The following TEX36 variants were observed in gnomAD, a reference collection of about 807,000 sequenced individuals.
The protein encoded by TEX36 is testis-expressed protein 36.
Under a neutral mutation model 13.6 loss-of-function variants are expected in TEX36, and 12 were observed. The observed-to-expected ratio is 0.88, with a 90% CI of 0.56 to 1.43. TEX36 has a LOEUF of 1.43. Among genes scored for constraint, TEX36 ranks in the 40% most tolerant of loss-of-function variants. TEX36 has a pLI of 0.00. For missense variants in TEX36, 224 were observed against 228.3 expected (o/e 0.98, Z 0.12); for synonymous variants, 93 against 83.0 (o/e 1.12, Z -0.65).
chr10:125,650,644 A>G (rs970557050), intron 3 of TEX36, among the ~76,000 whole-genome samples: 4 of 152,226 alleles, frequency 2.6e-5, no homozygotes, highest in Non-Finnish European at 2.9e-5. Flanking sequence ...AGAAATAACT[A>G]AGATCAGAGC....
At chr10:125,678,331 T>TGGTTAACA (rs1296755418) in intron 1 of TEX36, among the ~76,000 whole-genome samples, 8 of 152,130 alleles carry the variant, frequency 5.3e-5, no homozygotes, top group African/African-American at 9.7e-5. Flanking sequence ...TGTTAGGGTG[T>TGGTTAACA]GGTTAACAGT....
rs142881096 is a variant in TEX36 at position 125,633,987 on chromosome 10, G to A, written c.265-12342C>T. Among the ~76,000 whole-genome samples the A allele has an allele frequency of 9.9e-5, 15 of 152,054 alleles. No individual in the cohort carries two copies. The East Asian group carries it at 2.7e-3, about 27-fold the overall frequency. Reference sequence around the variant, plus strand: ...CTCTAGGGTTCAAGTCTACCCCTCAGCATTGGATACCTTTACTTTCTTGGA... The same window carrying A: ...CTCTAGGGTTCAAGTCTACCCCTCAACATTGGATACCTTTACTTTCTTGGA... On this transcript the variant is annotated intron_variant, in intron 3 of 3. Coordinates refer to the TEX36 transcript ENST00000526819.
At chr10:125,578,455 CA>C (rs1845851543) in intron 3 of TEX36, 1 of 152,210 alleles carries the variant, frequency 6.6e-6, no homozygotes, top group African/African-American at 2.4e-5. Context: ...ACTGAATTTT[CA>C]GTCATTCTTT....
rs532561479 is a variant in TEX36, at chr10:125,644,298, C to T, written c.264+16723G>A. On this transcript the variant is annotated intron_variant, in intron 3 of 3. Coordinates refer to the TEX36 transcript ENST00000526819. ...AGTAGACAAAAAATATAAAGGAATG[C>T]TTGAGAGCTGAGGAAGATAGAGCCA... is the stretch of plus-strand genomic sequence containing the variant. Among the ~76,000 whole-genome samples, 12 of 152,096 alleles carry T rather than the reference C, an allele frequency of 7.9e-5. No individual in the cohort carries two copies. The South Asian group carries it at 1.7e-3, about 21-fold the overall frequency.
rs35721943 is a variant in TEX36, at chr10:125,612,809, G to GAAA, written c.265-35938_265-35936dup. Among the ~76,000 whole-genome samples the GAAA allele has an allele frequency of 2.3e-4, 34 of 146,226 alleles. No homozygotes were observed. The South Asian group carries it at 6.1e-3, about 26-fold the overall frequency. ...GAACATGTGGGGATTTTACAAACAG[G>GAAA]AAAAAAAAAAACTATATAAAACCAA... On this transcript the variant is annotated intron_variant, in intron 3 of 3. Transcript: ENST00000532135.
At chr10:125,619,161 A>AATAAAG (rs1251074506), downstream of TEX36, among the ~76,000 whole-genome samples, 1 of 151,798 alleles carries the variant, frequency 6.6e-6, no homozygotes, top group East Asian at 1.9e-4. Flanking sequence ...TAAAAATAAA[A>AATAAAG]ATAAAGCCTT....
intron 3 of TEX36, among the ~76,000 whole-genome samples, chr10:125,657,591 A>C (rs1846969189): frequency 6.6e-6 from 1 of 152,248 alleles, no homozygotes; most frequent in African/African-American, 2.4e-5. Context: ...GCTTGCTAAT[A>C]ATGTGACTAT....
At chr10:125,588,272 G>C (rs1845981883) in intron 3 of TEX36, among the ~76,000 whole-genome samples, 1 of 152,210 alleles carries the variant, frequency 6.6e-6, no homozygotes, top group Non-Finnish European at 1.5e-5. Flanking sequence ...GTGTGGTATT[G>C]ACTTTCTCTA....
At chr10:125,666,551 C>T (rs981157215) in intron 1 of TEX36, among the ~76,000 whole-genome samples, 1 of 152,172 alleles carries the variant, frequency 6.6e-6, no homozygotes, top group African/African-American at 2.4e-5. Flanking sequence ...ATAAATCCCA[C>T]TTGATCACGG....
intron 3 of TEX36, among the ~76,000 whole-genome samples, chr10:125,610,517 C>T (rs1374771162): frequency 2.0e-5 from 3 of 151,948 alleles, no homozygotes; most frequent in Non-Finnish European, 4.4e-5. Flanking sequence ...GATCTCCTGG[C>T]GATGCCCATG....
chr10:125,644,569 G>A (rs538641440), intron 3 of TEX36, among the ~76,000 whole-genome samples: 8 of 152,282 alleles, frequency 5.3e-5, no homozygotes, highest in Middle Eastern at 3.4e-3. Flanking sequence ...ACACGCACAC[G>A]TAAAACTGTG....
chr10:125,576,605 T>C, exon 4 of TEX36: 1 of 1,198,916 alleles, frequency 8.3e-7, no homozygotes, highest in Non-Finnish European at 1.1e-6. Context: ...TAGCTGGAAA[T>C]TTATTTTTCC....
intron 3 of TEX36, among the ~76,000 whole-genome samples, chr10:125,589,340 C>A (rs1240976300): frequency 2.0e-5 from 3 of 152,106 alleles, no homozygotes; most frequent in Non-Finnish European, 4.4e-5. Flanking sequence ...ATATTCTTAT[C>A]TTTTTTCTGT....
intron 3 of TEX36, among the ~76,000 whole-genome samples, chr10:125,590,639 G>A (rs183203824): frequency 1.6e-4 from 24 of 152,244 alleles, no homozygotes; most frequent in African/African-American, 5.3e-4. Context: ...TGTCAATAAT[G>A]TACTGACTTA....
At chr10:125,651,949 C>G (rs1409599780), downstream of TEX36, among the ~76,000 whole-genome samples, 1 of 152,168 alleles carries the variant, frequency 6.6e-6, no homozygotes, top group African/African-American at 2.4e-5. Context: ...TGTGAAGGAA[C>G]TCTTCAAGGA....
At chr10:125,676,162 T>C (rs1847307390) in intron 1 of TEX36, among the ~76,000 whole-genome samples, 1 of 152,240 alleles carries the variant, frequency 6.6e-6, no homozygotes, top group Non-Finnish European at 1.5e-5. Flanking sequence ...AATCCAGTGT[T>C]TCTTGGTTGA....
chr10:125,610,590 C>T (rs376837110), intron 3 of TEX36, among the ~76,000 whole-genome samples: 1 of 151,724 alleles, frequency 6.6e-6, no homozygotes, highest in Non-Finnish European at 1.5e-5. Flanking sequence ...CTTTTCTATG[C>T]GTTGAATTCA....
Position 125,655,838 on chromosome 10 carries a change from A to C in TEX36, c.*62T>G. On this transcript the variant is annotated 3_prime_UTR_variant, in exon 4 of 4. Coordinates refer to ENST00000368821, the MANE Select transcript of TEX36 (RefSeq NM_001128202.3). ...AGTGGTGCTGGATCAGAAAACATAT[A>C]CTTTTAGGATGTCTGATGAAATACC... 7.1e-7 allele frequency: 1 copy of C among 1,402,734 alleles called. No individual in the cohort carries two copies. Among genetic ancestry groups the C allele is most frequent in the Non-Finnish European group, 9.3e-7 (1 of 1,072,452 alleles). 86.9% of individuals were successfully genotyped at this position (1,402,734 alleles called of 1,614,324 possible). A position where few individuals can be genotyped will look rare whatever the true frequency, so the allele number is the denominator to read the frequency against.
intron 3 of TEX36, among the ~76,000 whole-genome samples, chr10:125,660,713 C>A (rs1005970369): frequency 4.6e-5 from 7 of 152,180 alleles, no homozygotes; most frequent in Non-Finnish European, 8.8e-5. Context: ...GCATAGCAGT[C>A]CCTCCTTCCC....
Sources: allele counts gnomAD v4.1 joint callset (sites outside exome capture counted in the v4.1 genomes callset), GRCh38; gene constraint gnomAD v4.1.1; transcripts MANE v1.5; gene names NCBI Gene and HGNC (gene_info 2026-07-23, HGNC 2026-07-21).